Variants in CREBBP observed in about 807,000 individuals in gnomAD.
CREBBP encodes CREB binding lysine acetyltransferase.
Under a neutral mutation model 265.0 loss-of-function variants are expected in CREBBP, and 19 were observed. That is an observed-to-expected ratio of 0.07 (90% CI 0.05 to 0.11). CREBBP has a LOEUF of 0.11. Ranked by LOEUF, CREBBP falls within the 10% of genes least tolerant of loss-of-function variation. The pLI is 1.00. For synonymous variants in CREBBP, 1,457 were observed against 1,223.7 expected (o/e 1.19, Z -3.98); for missense variants, 2,525 against 3,219.0 (o/e 0.78, Z 5.22).
At chr16:3,743,969 G>A (rs1484098539) in intron 23 of CREBBP, among the ~76,000 whole-genome samples, 1 of 151,960 alleles carries the variant, frequency 6.6e-6, no homozygotes, top group Non-Finnish European at 1.5e-5. Context: ...CCAGCTACTC[G>A]GGAGGCTGAG....
chr16:3,849,840 C>G (rs1261355079), intron 2 of CREBBP, among the ~76,000 whole-genome samples: 1 of 152,150 alleles, frequency 6.6e-6, no homozygotes, highest in Non-Finnish European at 1.5e-5. Flanking sequence ...AATGCCTGTG[C>G]TTCTCCCCGG....
chr16:3,760,073 T>G (rs2052677257), intron 16 of CREBBP, among the ~76,000 whole-genome samples: 1 of 152,208 alleles, frequency 6.6e-6, no homozygotes, highest in South Asian at 2.1e-4. Flanking sequence ...GTATTTTTTC[T>G]TGGTGTTCTT....
In CREBBP at chr16:3,849,434, T is replaced by TGTGTGTGTGTGTG. The variant is rs2054756177; in HGVS notation, c.798+850_798+862dup. On this transcript the variant is annotated intron_variant, in intron 2 of 30. Transcript: ENST00000262367. ...GTGTGTGTGTGTGTGTGTGTGTGTG[T>TGTGTGTGTGTGTG]GTGTGTGTGTGTGTGTGTGTGTGTG... 1.4e-3 allele frequency among the ~76,000 whole-genome samples: 14 copies of TGTGTGTGTGTGTG among 10,080 alleles called. 1 individual carries two copies. The highest frequency in any genetic ancestry group is 5.7e-3 in the Non-Finnish European group (7 of 1,238). The allele number at this position is 10,080 out of a possible 152,430, so 6.6% of individuals were successfully genotyped here. A position where few individuals can be genotyped will look rare whatever the true frequency, so the allele number is the denominator to read the frequency against.
chr16:3,775,369 C>T (rs907195913), intron 11 of CREBBP, among the ~76,000 whole-genome samples: 17 of 152,330 alleles, frequency 1.1e-4, no homozygotes, highest in Middle Eastern at 3.4e-3. Flanking sequence ...CTCCAGACTG[C>T]GGTGTCTAGT....
At chr16:3,869,733 C>T (rs2055254859) in intron 1 of CREBBP, among the ~76,000 whole-genome samples, 1 of 152,178 alleles carries the variant, frequency 6.6e-6, no homozygotes, top group South Asian at 2.1e-4. Flanking sequence ...ATAACGACCA[C>T]TGGACAGCGC....
intron 2 of CREBBP, among the ~76,000 whole-genome samples, chr16:3,834,527 G>C (rs1221677302): frequency 6.6e-6 from 1 of 152,162 alleles, no homozygotes; most frequent in Non-Finnish European, 1.5e-5. Context: ...TTTTGGGAAG[G>C]AGAGAGGGAT....
intron 1 of CREBBP, among the ~76,000 whole-genome samples, chr16:3,852,532 AG>A (rs1281371588): frequency 6.6e-6 from 1 of 152,204 alleles, no homozygotes; most frequent in Non-Finnish European, 1.5e-5. Context: ...AAATGAAATC[AG>A]TGATTTCTTA....
intron 23 of CREBBP, 164 bp from the exon 24 acceptor site, chr16:3,740,713 A>T: frequency 2.3e-6 from 2 of 867,384 alleles, no homozygotes; most frequent in Non-Finnish European, 3.7e-6. Flanking sequence ...CACGAGTGTT[A>T]TATAAAGGAA....
intron 2 of CREBBP, among the ~76,000 whole-genome samples, chr16:3,815,753 T>TAAATGGGGTGTCA (rs2054026322): frequency 6.6e-6 from 1 of 152,016 alleles, no homozygotes; most frequent in Admixed American, 6.6e-5. Flanking sequence ...ACACCCAGGT[T>TAAATGGGGTGTCA]AAATGGGGTG....
At chr16:3,793,177 C>T (rs1193557422) in intron 4 of CREBBP, among the ~76,000 whole-genome samples, 1 of 152,208 alleles carries the variant, frequency 6.6e-6, no homozygotes, top group African/African-American at 2.4e-5. Context: ...TATCAGAAAA[C>T]CAAATCGCCT....
At chr16:3,860,345 ATT>A in intron 1 of CREBBP, among the ~76,000 whole-genome samples, 1 of 151,998 alleles carries the variant, frequency 6.6e-6, no homozygotes. Flanking sequence ...TCCAAAAGGA[ATT>A]TTTTTTAAGA....
At chr16:3,765,786 T>C (rs1490145239) in intron 16 of CREBBP, among the ~76,000 whole-genome samples, 1 of 152,150 alleles carries the variant, frequency 6.6e-6, no homozygotes, top group Non-Finnish European at 1.5e-5. Flanking sequence ...TAGCTGCAGC[T>C]ACAGGCATGC....
chr16:3,826,872 T>C (rs1476885402), intron 2 of CREBBP, among the ~76,000 whole-genome samples: 1 of 152,184 alleles, frequency 6.6e-6, no homozygotes, highest in African/African-American at 2.4e-5. Flanking sequence ...ATTGGTTCAT[T>C]ACTTATGACA....
rs188102440 is a variant in CREBBP, at chr16:3,797,596, G to A, written c.976-3970C>T. Among the ~76,000 whole-genome samples, 141 of 151,986 alleles carry A rather than the reference G, an allele frequency of 9.3e-4. 1 individual carries two copies. Among genetic ancestry groups the A allele is most frequent in the African/African-American group, 3.1e-3 (130 of 41,422 alleles). On this transcript the variant is annotated intron_variant, in intron 3 of 30. Transcript: ENST00000262367. ...ACTGTAATAAAAGCTACATGAATGT[G>A]GTCTCTCTCTCTCTCTCTCTAAACA...
chr16:3,879,350 C>T (rs964301998), intron 1 of CREBBP, among the ~76,000 whole-genome samples: 1 of 152,166 alleles, frequency 6.6e-6, no homozygotes, highest in Non-Finnish European at 1.5e-5. Flanking sequence ...CGCAAGCTGG[C>T]GGCTGCTGTG....
intron 1 of CREBBP, among the ~76,000 whole-genome samples, chr16:3,872,300 A>G (rs967861190): frequency 6.6e-6 from 1 of 152,120 alleles, no homozygotes; most frequent in African/African-American, 2.4e-5. Flanking sequence ...GCCTTGCCCA[A>G]TTTGATTTGT....
In CREBBP at chr16:3,782,924, T is replaced by G. The variant is rs530164542; in HGVS notation, c.1333A>C (p.Ile445Leu). The G allele has an allele frequency of 1.9e-6, 3 of 1,614,162 alleles. No homozygotes were observed. The South Asian group carries it at 3.3e-5, about 18-fold the overall frequency. Residue 445 changes from isoleucine (I) to leucine (L), a missense_variant and splice_region_variant, in exon 6 of 31, where the codon ATC becomes CTC. By Grantham distance (5) the Ile-to-Leu change is conservative. Coordinates refer to ENST00000262367, the MANE Select transcript of CREBBP (RefSeq NM_004380.3). ...ATTCCACTAGCTGGAGACCCCAGGA[T>G]GGCTATAACGACAAACAGACAGACA... Reference protein sequence around the residue: ...NASDKRNQQTILGSPASGIQN... With the variant: ...NASDKRNQQTLLGSPASGIQN...
intron 13 of CREBBP, among the ~76,000 whole-genome samples, chr16:3,772,147 T>C (rs960689925): frequency 1.2e-4 from 18 of 151,772 alleles, no homozygotes; most frequent in African/African-American, 4.4e-4. Flanking sequence ...GTACCCAATG[T>C]TCTTTAACAT....
intron 5 of CREBBP, among the ~76,000 whole-genome samples, chr16:3,787,987 T>C (rs1463292810): frequency 1.3e-5 from 2 of 151,930 alleles, no homozygotes; most frequent in East Asian, 3.9e-4. Flanking sequence ...CAAAAGGAGG[T>C]GTTTTAAACA....
Sources: allele counts gnomAD v4.1 joint callset (sites outside exome capture counted in the v4.1 genomes callset), GRCh38; gene constraint gnomAD v4.1.1; transcripts MANE v1.5; gene names NCBI Gene and HGNC (gene_info 2026-07-23, HGNC 2026-07-21).